GRM8: variants seen among roughly 807,000 people sequenced by gnomAD.
The protein encoded by GRM8 is glutamate metabotropic receptor 8, also known as metabotropic glutamate receptor 8.
GRM8 carries 47 observed loss-of-function variants against 87.2 expected under a neutral mutation model. The ratio of observed to expected loss-of-function variants is 0.54; its 90% confidence interval spans 0.43 to 0.69. The LOEUF (loss-of-function observed/expected upper bound fraction) is 0.69. Ranked by LOEUF, GRM8 falls within the 30% of genes least tolerant of loss-of-function variation. The pLI is 0.00. For missense variants in GRM8, 1,019 were observed against 1,139.2 expected (o/e 0.89, Z 1.52); for synonymous variants, 396 against 404.5 (o/e 0.98, Z 0.25).
chr7:126,509,941 T>C (rs1348055967), intron 9 of GRM8, among the ~76,000 whole-genome samples: 1 of 152,034 alleles, frequency 6.6e-6, no homozygotes, highest in Non-Finnish European at 1.5e-5. Context: ...TTCCCATTGT[T>C]GTCATTCCGG....
intron 9 of GRM8, among the ~76,000 whole-genome samples, chr7:126,457,385 T>A (rs2150507169): frequency 6.6e-6 from 1 of 151,468 alleles, no homozygotes; most frequent in East Asian, 2.0e-4. Context: ...GGACAATAAT[T>A]TTCCAAAACT....
At chr7:126,830,736 T>C (rs958535892) in intron 6 of GRM8, among the ~76,000 whole-genome samples, 1 of 152,244 alleles carries the variant, frequency 6.6e-6, no homozygotes, top group African/African-American at 2.4e-5. Flanking sequence ...CTTTGTTCTG[T>C]TGCTGGTGAG....
At chr7:126,578,529 C>A (rs1266317786) in intron 8 of GRM8, among the ~76,000 whole-genome samples, 1 of 152,084 alleles carries the variant, frequency 6.6e-6, no homozygotes, top group Non-Finnish European at 1.5e-5. Flanking sequence ...ACAAAGCTCC[C>A]GAACAGCTGT....
intron 7 of GRM8, among the ~76,000 whole-genome samples, chr7:126,678,500 G>A (rs1267015875): frequency 6.6e-6 from 1 of 152,166 alleles, no homozygotes; most frequent in East Asian, 1.9e-4. Context: ...GGGGGGCAAG[G>A]AGAGGAAAAA....
chr7:126,534,959 A>C (rs966057583), intron 8 of GRM8, among the ~76,000 whole-genome samples: 1 of 152,168 alleles, frequency 6.6e-6, no homozygotes. Flanking sequence ...TGGGAAAGGC[A>C]CTAGAGCAGA....
intron 3 of GRM8, among the ~76,000 whole-genome samples, chr7:126,956,433 C>T (rs929891239): frequency 3.9e-5 from 6 of 152,208 alleles, no homozygotes; most frequent in African/African-American, 1.4e-4. Flanking sequence ...AGAATAGTGT[C>T]TGACAGTAGG....
chr7:126,975,963 TA>T (rs1041156132), intron 3 of GRM8, among the ~76,000 whole-genome samples: 1 of 152,152 alleles, frequency 6.6e-6, no homozygotes, highest in African/African-American at 2.4e-5. Context: ...ATTAATTTTC[TA>T]ACCAGGGCTC....
At chr7:126,612,697 A>G (rs900740006) in intron 7 of GRM8, among the ~76,000 whole-genome samples, 3 of 152,200 alleles carry the variant, frequency 2.0e-5, no homozygotes, top group African/African-American at 4.8e-5. Context: ...GAAAGGCAAA[A>G]GTATCTATTA....
At chr7:126,715,432 T>G (rs1811620044) in intron 7 of GRM8, among the ~76,000 whole-genome samples, 1 of 152,230 alleles carries the variant, frequency 6.6e-6, no homozygotes, top group African/African-American at 2.4e-5. Flanking sequence ...AACGGCACCA[T>G]GTATGGTCTG....
intron 6 of GRM8, among the ~76,000 whole-genome samples, chr7:126,879,549 C>A (rs1799841470): frequency 6.6e-6 from 1 of 152,024 alleles, no homozygotes; most frequent in Non-Finnish European, 1.5e-5. Flanking sequence ...ATTCTATTAC[C>A]CTTATTTCCA....
chr7:127,090,978 T>C (rs1824005293), intron 3 of GRM8: 1 of 152,220 alleles, frequency 6.6e-6, no homozygotes, highest in Non-Finnish European at 1.5e-5. Flanking sequence ...GCAGCTACAG[T>C]GCTAATGAAA....
intron 9 of GRM8, among the ~76,000 whole-genome samples, chr7:126,474,079 G>C (rs1459533546): frequency 6.6e-6 from 1 of 152,038 alleles, no homozygotes; most frequent in African/African-American, 2.4e-5. Context: ...TGTTCTCTCA[G>C]CAATATCTCA....
Position 127,162,287 on chromosome 7 carries a change from CA to C in GRM8, c.511-55576del, listed in dbSNP as rs1380358069. Among the ~76,000 whole-genome samples the C allele has an allele frequency of 9.9e-5, 15 of 152,268 alleles. 1 individual carries two copies. In the South Asian group the frequency reaches 3.1e-3, roughly 32 times the overall value. ...CAAGCCTTTGGGGCAGCCCCTTCCT[CA>C]GCTCTAACAAGAAGGCACCAGTGAA... On this transcript the variant is annotated intron_variant, in intron 2 of 10. Transcript: ENST00000339582.
intron 7 of GRM8, among the ~76,000 whole-genome samples, chr7:126,642,078 A>G (rs116042135): frequency 5.9e-5 from 9 of 152,330 alleles, no homozygotes; most frequent in African/African-American, 1.9e-4. Flanking sequence ...TCTGTCATAA[A>G]GGGTCAGCCA....
At chr7:126,819,768 G>T (rs1355533776) in intron 6 of GRM8, among the ~76,000 whole-genome samples, 4 of 151,774 alleles carry the variant, frequency 2.6e-5, no homozygotes, top group Non-Finnish European at 5.9e-5. Context: ...AGAAATACTA[G>T]TAGGAAATAA....
intron 6 of GRM8, among the ~76,000 whole-genome samples, chr7:126,798,342 T>C (rs1005885406): frequency 9.2e-5 from 14 of 152,040 alleles, no homozygotes; most frequent in Admixed American, 8.5e-4. Context: ...CAGATCCAGA[T>C]GAAATAGTCC....
intron 6 of GRM8, among the ~76,000 whole-genome samples, chr7:126,778,825 CTTTTAAAAA>C (rs1313963916): frequency 2.0e-5 from 3 of 151,848 alleles, no homozygotes; most frequent in African/African-American, 7.3e-5. Flanking sequence ...CAGGATTTAC[CTTTTAAAAA>C]TACAGTCTAT....
intron 6 of GRM8, among the ~76,000 whole-genome samples, chr7:126,795,851 G>GA (rs912595481): frequency 1.9e-4 from 26 of 140,108 alleles, no homozygotes; most frequent in South Asian, 2.3e-4. Context: ...AATAAGACTG[G>GA]AAAAAAAAAA....
At chr7:126,816,926 A>T (rs866914610) in intron 6 of GRM8, among the ~76,000 whole-genome samples, 1 of 152,068 alleles carries the variant, frequency 6.6e-6, no homozygotes, top group Non-Finnish European at 1.5e-5. Context: ...TGTTTGAAGA[A>T]AATCCCAAAC....
Sources: allele counts gnomAD v4.1 joint callset (sites outside exome capture counted in the v4.1 genomes callset), GRCh38; gene constraint gnomAD v4.1.1; transcripts MANE v1.5; gene names NCBI Gene and HGNC (gene_info 2026-07-23, HGNC 2026-07-21).